CDKL1: variants seen among roughly 807,000 people sequenced by gnomAD.
CDKL1 encodes cyclin dependent kinase like 1.
In CDKL1, 41 loss-of-function variants were observed where a neutral mutation model predicts 42.0. That is an observed-to-expected ratio of 0.98 (90% CI 0.76 to 1.27). The LOEUF is 1.27. Ranked by LOEUF, CDKL1 falls within the 50% of genes most tolerant of loss-of-function variation. The pLI, the probability that CDKL1 is intolerant of heterozygous loss-of-function variation, is 0.00. For synonymous variants in CDKL1, 153 were observed against 158.6 expected (o/e 0.96, Z 0.26); for missense variants, 394 against 428.4 (o/e 0.92, Z 0.71).
intron 2 of CDKL1, among the ~76,000 whole-genome samples, chr14:50,382,132 A>T (rs1488351581): frequency 6.6e-6 from 1 of 152,230 alleles, no homozygotes; most frequent in Non-Finnish European, 1.5e-5. Flanking sequence ...TAAAACACCA[A>T]TTCTGCCAAG....
At chr14:50,377,499 A>C in intron 2 of CDKL1, 1 of 1,002,744 alleles carries the variant, frequency 1.0e-6, no homozygotes, top group Non-Finnish European at 1.3e-6. Context: ...CCTGTCTCAG[A>C]CTTTACTTTC....
At chr14:50,375,438 A>G (rs377669211) in intron 2 of CDKL1, among the ~76,000 whole-genome samples, 3 of 152,248 alleles carry the variant, frequency 2.0e-5, no homozygotes, top group African/African-American at 7.2e-5. Context: ...AGTGCGCTGC[A>G]CGTAGTGACT....
In CDKL1 at chr14:50,330,036, T is replaced by C; in HGVS notation, c.*38A>G. On this transcript the variant is annotated 3_prime_UTR_variant, in exon 10 of 10. Coordinates refer to ENST00000395834, the MANE Select transcript of CDKL1 (RefSeq NM_004196.7). ...TAAGTTTTATTTTCTTCAAAGCATC[T>C]ATTGATTCCTTTTTTAAAATCATGT... 3 of 1,595,796 alleles carry C rather than the reference T, an allele frequency of 1.9e-6. No individual in the cohort carries two copies. Among genetic ancestry groups the C allele is most frequent in the Non-Finnish European group, 2.6e-6 (3 of 1,174,716 alleles).
chr14:50,387,019 T>G (rs2035100748), intron 2 of CDKL1, among the ~76,000 whole-genome samples: 1 of 83,128 alleles, frequency 1.2e-5, no homozygotes, highest in Non-Finnish European at 2.5e-5. Context: ...AGAGCGAGAC[T>G]CCGTCTCAAA....
At chr14:50,369,954 G>A (rs2034544287) in intron 2 of CDKL1, among the ~76,000 whole-genome samples, 1 of 151,280 alleles carries the variant, frequency 6.6e-6, no homozygotes, top group Non-Finnish European at 1.5e-5. Flanking sequence ...ATTAATGTTA[G>A]GATTTATGAC....
intron 2 of CDKL1, among the ~76,000 whole-genome samples, chr14:50,391,169 A>G (rs1163428497): frequency 6.6e-6 from 1 of 151,942 alleles, no homozygotes; most frequent in Non-Finnish European, 1.5e-5. Context: ...TCTTCCTGTT[A>G]CCTTGTCTTT....
chr14:50,337,299 A>AT (rs2033331896), intron 7 of CDKL1, among the ~76,000 whole-genome samples: 1 of 147,848 alleles, frequency 6.8e-6, no homozygotes, highest in Admixed American at 6.7e-5. Flanking sequence ...GTGAGCCACC[A>AT]TGCCCAGCCT....
intron 7 of CDKL1, chr14:50,335,653 AG>A: frequency 6.6e-7 from 1 of 1,510,102 alleles, no homozygotes; most frequent in Non-Finnish European, 8.8e-7. Flanking sequence ...AGAGAGGCTG[AG>A]AAAATAAGAG....
At chr14:50,374,587 A>AT (rs936466704) in intron 2 of CDKL1, among the ~76,000 whole-genome samples, 5 of 152,228 alleles carry the variant, frequency 3.3e-5, no homozygotes, top group African/African-American at 9.6e-5. Context: ...AGAATGACCC[A>AT]TTAGATTTGT....
intron 7 of CDKL1, chr14:50,334,918 C>A: frequency 6.1e-6 from 1 of 162,846 alleles, no homozygotes; most frequent in Non-Finnish European, 1.1e-5. Context: ...CTTTTCTGAG[C>A]AGTTTTTTTT....
chr14:50,342,985 GC>G (rs757616202), intron 4 of CDKL1: 68 of 1,355,708 alleles, frequency 5.0e-5, no homozygotes, highest in Middle Eastern at 2.1e-4. Context: ...TCGAGATGCG[GC>G]CCCCCCTCCA....
intron 7 of CDKL1, chr14:50,335,820 C>G: frequency 1.0e-6 from 1 of 985,260 alleles, no homozygotes. Flanking sequence ...TTTGGACAGG[C>G]AACCAGCTCC....
chr14:50,328,199 G>T lies in CDKL1; in HGVS notation c.*1875C>A, dbSNP rs2032782206. On this transcript the variant is annotated 3_prime_UTR_variant, in exon 10 of 10. Transcript: ENST00000395834. ...TGTTATAGTAATCTGCCTCCGTCAA[G>T]TGTATTTTCTTGGGTTAAGGAAAAA... 1 of 152,026 alleles carries T rather than the reference G, an allele frequency of 6.6e-6. No homozygotes were observed. The highest frequency in any genetic ancestry group is 1.5e-5 in the Non-Finnish European group (1 of 68,004). The allele number at this position is 152,026 out of a possible 1,614,324, so 9.4% of individuals were successfully genotyped here.
rs114329445 is a variant in CDKL1, at chr14:50,342,347, C to G, written c.364-125G>C. ...AATCTCTCCTTGGCCTGTTGGACAA[C>G]AGCAAAAGAGCAGCCTAAAATAAAT... On this transcript the variant is annotated intron_variant, in intron 4 of 9. Coordinates refer to ENST00000395834, the MANE Select transcript of CDKL1 (RefSeq NM_004196.7). 1.8e-3 allele frequency: 2,667 copies of G among 1,458,370 alleles called. 51 individuals carry two copies. In the African/African-American group the frequency reaches 0.035, roughly 19 times the overall value. The allele number at this position is 1,458,370 out of a possible 1,614,324, so 90.3% of individuals were successfully genotyped here.
intron 2 of CDKL1, among the ~76,000 whole-genome samples, chr14:50,359,381 G>A (rs1393548138): frequency 1.3e-5 from 2 of 151,844 alleles, no homozygotes; most frequent in Non-Finnish European, 2.9e-5. Context: ...GTATAAGAAG[G>A]CCAGAAAATA....
intron 7 of CDKL1, chr14:50,335,720 A>C: frequency 1.0e-6 from 1 of 984,910 alleles, no homozygotes; most frequent in Non-Finnish European, 1.2e-6. Context: ...TAAAAGTGGC[A>C]GTGTGTGAGC....
chr14:50,370,795 T>A (rs1343859054), intron 2 of CDKL1, among the ~76,000 whole-genome samples: 1 of 152,068 alleles, frequency 6.6e-6, no homozygotes, highest in African/African-American at 2.4e-5. Context: ...GCATACCTGT[T>A]TAAATGACCA....
intron 2 of CDKL1, 39 bp downstream of exon 2, chr14:50,395,662 G>A (rs980848680): frequency 2.1e-6 from 3 of 1,419,482 alleles, no homozygotes; most frequent in South Asian, 1.2e-5. Flanking sequence ...GTGAAACCCT[G>A]TCTCGAAAAA....
chr14:50,371,264 G>A (rs1016236815), intron 2 of CDKL1, among the ~76,000 whole-genome samples: 1 of 152,120 alleles, frequency 6.6e-6, no homozygotes, highest in Non-Finnish European at 1.5e-5. Flanking sequence ...CTCAGAAGTG[G>A]GATTGCTGGA....
Sources: gnomAD v4.1 joint callset for allele counts (sites outside exome capture counted in the v4.1 genomes callset) on GRCh38, gnomAD v4.1.1 for gene constraint, MANE v1.5 for transcripts, NCBI Gene and HGNC (gene_info 2026-07-23, HGNC 2026-07-21) for gene names.